The following PCDHGA6 variants were observed in gnomAD, a reference collection of about 807,000 sequenced individuals.
PCDHGA6 encodes protocadherin gamma subfamily A, 6, also known as protocadherin gamma-A6.
Under a neutral mutation model 60.6 loss-of-function variants are expected in PCDHGA6, and 41 were observed. That is an observed-to-expected ratio of 0.68 (90% CI 0.53 to 0.88). The LOEUF (loss-of-function observed/expected upper bound fraction) is 0.88. Among genes scored for constraint, PCDHGA6 ranks in the 40% least tolerant of loss-of-function variants. The pLI is 0.00. For missense variants in PCDHGA6, 1,312 were observed against 1,203.0 expected (o/e 1.09, Z -1.34); for synonymous variants, 594 against 524.4 (o/e 1.13, Z -1.81).
Position 141,511,225 on chromosome 5 carries a change from C to A in PCDHGA6, c.*52C>A. ...GGCGGCCTCTCCCCAACCAGCCCAG[C>A]TTCTCCTTACCTGCACCCAGGCCTC... On this transcript the variant is annotated 3_prime_UTR_variant, in exon 4 of 4. Transcript: ENST00000517434. The A allele has an allele frequency of 6.2e-7, 1 of 1,601,624 alleles. No individual in the cohort carries two copies. Among genetic ancestry groups the A allele is most frequent in the Non-Finnish European group, 8.5e-7 (1 of 1,174,162 alleles).
intron 1 of PCDHGA6, among the ~76,000 whole-genome samples, chr5:141,402,432 TA>T (rs1325787840): frequency 6.6e-6 from 1 of 152,042 alleles, no homozygotes; most frequent in Non-Finnish European, 1.5e-5. Flanking sequence ...TGAAGCATCA[TA>T]AAAAGGAAAT....
chr5:141,384,237 C>T, intron 1 of PCDHGA6: 2 of 1,613,888 alleles, frequency 1.2e-6, no homozygotes, highest in East Asian at 2.2e-5. Flanking sequence ...CAGACACCAA[C>T]GATAACCCAC....
At chr5:141,392,946 G>C (rs1175467046) in intron 1 of PCDHGA6, 11 of 1,613,940 alleles carry the variant, frequency 6.8e-6, no homozygotes, top group Non-Finnish European at 9.3e-6. Flanking sequence ...AGGCTCCTTC[G>C]TGGGTAATAT....
rs200568923 is a variant in PCDHGA6 at position 141,413,794 on chromosome 5, G to A, written c.2424+37287G>A. On this transcript the variant is annotated intron_variant, in intron 1 of 3. Coordinates refer to ENST00000517434, the MANE Select transcript of PCDHGA6 (RefSeq NM_018919.3). The stretch of plus-strand genomic sequence containing the variant: ...GGTACTGGAGCACTCCCTAGATCGC[G>A]AGGAAGAGGCCATTCACCACCTGGT... 6.7e-5 allele frequency: 108 copies of A among 1,613,050 alleles called. No individual in the cohort carries two copies. Among genetic ancestry groups the A allele is most frequent in the Admixed American group, 8.3e-5 (5 of 59,990 alleles).
intron 2 of PCDHGA6, among the ~76,000 whole-genome samples, chr5:141,497,865 A>G (rs1248242691): frequency 2.0e-5 from 3 of 152,168 alleles, no homozygotes; most frequent in Admixed American, 2.0e-4. Flanking sequence ...CAGCGGCTCC[A>G]AAGTGAAATA....
chr5:141,405,431 T>C (rs1308544171), intron 1 of PCDHGA6: 18 of 1,490,646 alleles, frequency 1.2e-5, no homozygotes, highest in Non-Finnish European at 1.6e-5. Context: ...TGTTTTGTTT[T>C]GTTTTTGAGA....
chr5:141,396,595 G>C (rs1227428439), intron 1 of PCDHGA6: 1 of 151,972 alleles, frequency 6.6e-6, no homozygotes, highest in African/African-American at 2.4e-5. Flanking sequence ...ACTCCAGCCT[G>C]GGCAACAGGG....
chr5:141,394,509 G>T lies in PCDHGA6; in HGVS notation c.2424+18002G>T, dbSNP rs367855808. 10 of 1,614,028 alleles carry T rather than the reference G, an allele frequency of 6.2e-6. No homozygotes were observed. The highest frequency in any genetic ancestry group is 7.6e-6 in the Non-Finnish European group (9 of 1,180,034). On this transcript the variant is annotated intron_variant, in intron 1 of 3. Transcript: ENST00000517434. ...CAACGCGCCCGAGATCCTGTACCCCGCCCTCCCCACAGACGGTTCCACTGG... is the reference window on the plus strand; with the variant it reads ...CAACGCGCCCGAGATCCTGTACCCCTCCCTCCCCACAGACGGTTCCACTGG...
At chr5:141,475,448 G>A (rs774710049) in intron 1 of PCDHGA6, among the ~76,000 whole-genome samples, 1 of 152,214 alleles carries the variant, frequency 6.6e-6, no homozygotes, top group Non-Finnish European at 1.5e-5. Flanking sequence ...CAGATAATGA[G>A]GAAGTGACAG....
chr5:141,412,847 A>G (rs1206334568), intron 1 of PCDHGA6: 1 of 213,282 alleles, frequency 4.7e-6, no homozygotes, highest in Non-Finnish European at 9.1e-6. Flanking sequence ...AGGAGTGGAG[A>G]AACCAAAGAA....
At chr5:141,381,835 T>C (rs1342005630) in intron 1 of PCDHGA6, among the ~76,000 whole-genome samples, 58 of 141,162 alleles carry the variant, frequency 4.1e-4, no homozygotes, top group African/African-American at 1.5e-3. Context: ...TCTTTTTTTT[T>C]TTTTTTTTTT....
At position 141,505,200 on chromosome 5, in the gene PCDHGA6, G is replaced by T. The variant is rs528060752; in HGVS notation, c.2484-193G>T. On this transcript the variant is annotated intron_variant, in intron 2 of 3. Transcript: ENST00000517434. ...AAAGCATCGGAGGCAGCAAAGAGCTGGTTTGAGGGACTGACTTGTGGGATT... is the reference window on the plus strand; with the variant it reads ...AAAGCATCGGAGGCAGCAAAGAGCTTGTTTGAGGGACTGACTTGTGGGATT... Among the ~76,000 whole-genome samples the T allele has an allele frequency of 6.6e-5, 10 of 152,244 alleles. No individual in the cohort carries two copies. The East Asian group carries it at 7.7e-4, about 12-fold the overall frequency.
chr5:141,395,016 G>T, intron 1 of PCDHGA6: 1 of 1,614,068 alleles, frequency 6.2e-7, no homozygotes, highest in Admixed American at 1.7e-5. Flanking sequence ...ATTGGTAGGC[G>T]TGCCTGCCTC....
intron 1 of PCDHGA6, among the ~76,000 whole-genome samples, chr5:141,438,764 C>A (rs963627140): frequency 6.7e-6 from 1 of 148,638 alleles, no homozygotes; most frequent in Non-Finnish European, 1.5e-5. Flanking sequence ...TGGGTTCAAG[C>A]GATTCTCCTG....
intron 1 of PCDHGA6, chr5:141,440,921 G>C (rs1213425379): frequency 6.6e-6 from 1 of 152,260 alleles, no homozygotes; most frequent in Non-Finnish European, 1.5e-5. Context: ...TGTGCTGAGA[G>C]TGAGGGCCAC....
chr5:141,392,089 A>G (rs1278879227), intron 1 of PCDHGA6: 2 of 152,236 alleles, frequency 1.3e-5, no homozygotes, highest in Non-Finnish European at 2.9e-5. Context: ...ATTTAGAAGA[A>G]TAATTTAAAA....
intron 1 of PCDHGA6, chr5:141,389,959 T>C (rs764607245): frequency 6.2e-7 from 1 of 1,614,058 alleles, no homozygotes; most frequent in Non-Finnish European, 8.5e-7. Flanking sequence ...TACCTAGTGG[T>C]GGCCTTGGCC....
Position 141,415,142 on chromosome 5 carries a change from C to A in PCDHGA6, c.2424+38635C>A, listed in dbSNP as rs757516335. On this transcript the variant is annotated intron_variant, in intron 1 of 3. Coordinates refer to ENST00000517434, the MANE Select transcript of PCDHGA6 (RefSeq NM_018919.3). The stretch of plus-strand genomic sequence containing the variant: ...GTGGCCGTCCAGGACCACGGCCAGC[C>A]CCCTCTCTCCGCCACTGTCACGCTC... 10 of 1,613,732 alleles carry A rather than the reference C, an allele frequency of 6.2e-6. 1 individual carries two copies. In the South Asian group the frequency reaches 1.1e-4, roughly 18 times the overall value.
chr5:141,445,048 A>G (rs1364884310), intron 1 of PCDHGA6, among the ~76,000 whole-genome samples: 4 of 152,234 alleles, frequency 2.6e-5, no homozygotes, highest in Non-Finnish European at 5.9e-5. Flanking sequence ...TTTTCAGTGT[A>G]GAGAGGTCAT....
Sources: allele counts gnomAD v4.1 joint callset (sites outside exome capture counted in the v4.1 genomes callset), GRCh38; gene constraint gnomAD v4.1.1; transcripts MANE v1.5; gene names NCBI Gene and HGNC (gene_info 2026-07-23, HGNC 2026-07-21).